KCNAB1: variants seen among roughly 807,000 people sequenced by gnomAD.
KCNAB1 encodes voltage-gated potassium channel subunit beta-1.
In KCNAB1, 35 loss-of-function variants were observed where a neutral mutation model predicts 64.6. The ratio of observed to expected loss-of-function variants is 0.54; its 90% CI spans 0.41 to 0.72. The LOEUF (loss-of-function observed/expected upper bound fraction) is 0.72. KCNAB1 is among the 30% of genes least tolerant of loss of function. The pLI is 0.00. For synonymous variants in KCNAB1, 177 were observed against 183.8 expected, an observed-to-expected ratio of 0.96 and a Z score of 0.30; for missense variants, 401 against 512.9, an observed-to-expected ratio of 0.78 and a Z score of 2.11.
intron 1 of KCNAB1, among the ~76,000 whole-genome samples, chr3:156,204,481 T>C (rs1300566099): frequency 1.3e-5 from 2 of 152,198 alleles, no homozygotes; most frequent in African/African-American, 4.8e-5. Flanking sequence ...GAAGAGACAC[T>C]TCCCTCTGTT....
Position 156,171,290 on chromosome 3 carries a change from A to G in KCNAB1, c.275+50404A>G, listed in dbSNP as rs534772142. The stretch of plus-strand genomic sequence containing the variant: ...ACCCCTTGCAGGAACATCCATTGTA[A>G]GAGTAAGAATAGTCTATATTGGTTT... On this transcript the variant is annotated intron_variant, in intron 1 of 13. Coordinates refer to ENST00000490337, the MANE Select transcript of KCNAB1 (RefSeq NM_172160.3). Among the ~76,000 whole-genome samples, 8 of 152,094 alleles carry G rather than the reference A, an allele frequency of 5.3e-5. No individual in the cohort carries two copies. The South Asian group carries it at 1.7e-3, about 32-fold the overall frequency.
chr3:156,138,885 A>G (rs9814661), intron 1 of KCNAB1, among the ~76,000 whole-genome samples: 75,952 of 151,992 alleles, frequency 0.5, 21,043 homozygotes, highest in Admixed American at 0.7. Context: ...GTGAGCTTCT[A>G]TATGTGGCTT....
At chr3:156,463,323 T>A (rs1338290165) in intron 5 of KCNAB1, among the ~76,000 whole-genome samples, 2 of 152,130 alleles carry the variant, frequency 1.3e-5, no homozygotes, top group Non-Finnish European at 2.9e-5. Context: ...AAGCAATTCA[T>A]CCCCTCAGTC....
At chr3:156,498,926 A>C (rs1716192857) in intron 8 of KCNAB1, among the ~76,000 whole-genome samples, 1 of 152,258 alleles carries the variant, frequency 6.6e-6, no homozygotes, top group African/African-American at 2.4e-5. Flanking sequence ...AAGACAAAGC[A>C]AAATCAAAGC....
Position 156,457,439 on chromosome 3 carries a change from C to A in KCNAB1, c.358-14C>A. 2 of 1,613,646 alleles carry A rather than the reference C, an allele frequency of 1.2e-6. No individual in the cohort carries two copies. Among genetic ancestry groups the A allele is most frequent in the Non-Finnish European group, 1.7e-6 (2 of 1,179,670 alleles). ...CATTTGGCTTTTCTGAGTGACCTTT[C>A]TCTCCCCTTGCAGGTTGCTGAACGG... On this transcript the variant is annotated splice_polypyrimidine_tract_variant and intron_variant, in intron 3 of 13. Coordinates refer to ENST00000490337, the MANE Select transcript of KCNAB1 (RefSeq NM_172160.3).
intron 1 of KCNAB1, among the ~76,000 whole-genome samples, chr3:156,197,424 A>C (rs1435930527): frequency 6.6e-6 from 1 of 152,098 alleles, no homozygotes; most frequent in Non-Finnish European, 1.5e-5. Context: ...TTGGCTGTGA[A>C]TCCATCTGGT....
intron 1 of KCNAB1, among the ~76,000 whole-genome samples, chr3:156,217,760 A>G (rs897857225): frequency 3.3e-5 from 5 of 152,238 alleles, no homozygotes; most frequent in Non-Finnish European, 7.3e-5. Context: ...GTCTCTGGAA[A>G]CAAGCTGGTC....
chr3:156,167,398 T>C (rs1177162444), intron 1 of KCNAB1, among the ~76,000 whole-genome samples: 2 of 152,186 alleles, frequency 1.3e-5, no homozygotes, highest in Non-Finnish European at 2.9e-5. Context: ...AATACAGTTA[T>C]TGTTACGATC....
At chr3:156,139,400 T>G (rs766303581) in intron 1 of KCNAB1, among the ~76,000 whole-genome samples, 2 of 152,122 alleles carry the variant, frequency 1.3e-5, no homozygotes, top group Non-Finnish European at 2.9e-5. Context: ...GCTTTCCTGG[T>G]TCACCTGTGA....
At chr3:156,203,747 T>C (rs1714483393) in intron 1 of KCNAB1, among the ~76,000 whole-genome samples, 2 of 152,232 alleles carry the variant, frequency 1.3e-5, no homozygotes, top group South Asian at 4.1e-4. Flanking sequence ...GTAAATTAGT[T>C]TTTTATCTGA....
intron 1 of KCNAB1, among the ~76,000 whole-genome samples, chr3:156,185,466 G>C (rs1247347875): frequency 6.6e-6 from 1 of 152,220 alleles, no homozygotes; most frequent in African/African-American, 2.4e-5. Context: ...GTTGATGTCA[G>C]ATAGGAGAAA....
intron 1 of KCNAB1, among the ~76,000 whole-genome samples, chr3:156,162,958 G>A (rs1716168168): frequency 6.6e-6 from 1 of 152,124 alleles, no homozygotes; most frequent in South Asian, 2.1e-4. Flanking sequence ...ACAAAACTTT[G>A]GTGCTCTGAA....
intron 1 of KCNAB1, among the ~76,000 whole-genome samples, chr3:156,400,907 T>C (rs1409525354): frequency 6.6e-6 from 1 of 152,182 alleles, no homozygotes; most frequent in African/African-American, 2.4e-5. Context: ...CACCATGTCA[T>C]AGAATGATGT....
At chr3:156,298,050 T>G (rs478973) in intron 1 of KCNAB1, among the ~76,000 whole-genome samples, 39 of 152,302 alleles carry the variant, frequency 2.6e-4, no homozygotes, top group African/African-American at 9.1e-4. Flanking sequence ...CTCTCTGCCT[T>G]AAAGTAAAAT....
At chr3:156,222,916 G>T (rs1715875352) in intron 1 of KCNAB1, among the ~76,000 whole-genome samples, 1 of 152,056 alleles carries the variant, frequency 6.6e-6, no homozygotes, top group Non-Finnish European at 1.5e-5. Flanking sequence ...AAAACCTCTG[G>T]GATATAGCAA....
chr3:156,199,117 CT>C (rs1207134761), intron 1 of KCNAB1, among the ~76,000 whole-genome samples: 1 of 151,754 alleles, frequency 6.6e-6, no homozygotes, highest in African/African-American at 2.4e-5. Flanking sequence ...GTTGAAAGTT[CT>C]TTTCTTTAAG....
chr3:156,226,160 C>G (rs1716146440), intron 1 of KCNAB1, among the ~76,000 whole-genome samples: 1 of 152,194 alleles, frequency 6.6e-6, no homozygotes, highest in South Asian at 2.1e-4. Flanking sequence ...TACCTGACTT[C>G]AAACTATACT....
intron 1 of KCNAB1, among the ~76,000 whole-genome samples, chr3:156,139,835 T>C (rs1203053270): frequency 6.6e-6 from 1 of 152,168 alleles, no homozygotes; most frequent in African/African-American, 2.4e-5. Flanking sequence ...TTGTGTCAGA[T>C]ACAGTCCCTT....
chr3:156,151,384 A>T (rs1715401788), intron 1 of KCNAB1, among the ~76,000 whole-genome samples: 1 of 152,178 alleles, frequency 6.6e-6, no homozygotes, highest in African/African-American at 2.4e-5. Flanking sequence ...AGTGTCTGCA[A>T]AATATATCAT....
Sources: allele counts gnomAD v4.1 joint callset (sites outside exome capture counted in the v4.1 genomes callset), GRCh38; gene constraint gnomAD v4.1.1; transcripts MANE v1.5; gene names NCBI Gene and HGNC (gene_info 2026-07-23, HGNC 2026-07-21).